VRK3: variants seen among roughly 807,000 people sequenced by gnomAD.
VRK3 encodes serine/threonine-protein kinase VRK3.
Under a neutral mutation model 60.4 loss-of-function variants are expected in VRK3, and 50 were observed. That is an observed-to-expected ratio of 0.83 (90% CI 0.66 to 1.05). The LOEUF is 1.05. Among genes scored for constraint, VRK3 ranks in the 50% least tolerant of loss-of-function variants. The pLI is 0.00. For missense variants in VRK3, 549 were observed against 585.3 expected (o/e 0.94, Z 0.64); for synonymous variants, 246 against 227.8 (o/e 1.08, Z -0.72).
chr19:49,990,456 G>A (rs531658904), intron 10 of VRK3, among the ~76,000 whole-genome samples: 2 of 151,760 alleles, frequency 1.3e-5, no homozygotes, highest in South Asian at 2.1e-4. Context: ...GCGCGATCAC[G>A]GCTCACTGCA....
chr19:49,983,068 G>C (rs915805626), intron 12 of VRK3, among the ~76,000 whole-genome samples: 1 of 151,990 alleles, frequency 6.6e-6, no homozygotes, highest in Non-Finnish European at 1.5e-5. Context: ...CTGGCCTCCT[G>C]TGTATCCCCA....
intron 14 of VRK3, among the ~76,000 whole-genome samples, chr19:49,977,213 G>A (rs553226647): frequency 2.0e-5 from 3 of 152,188 alleles, no homozygotes; most frequent in South Asian, 2.1e-4. Flanking sequence ...TCAGAGGGGC[G>A]GGGGTGTGGC....
chr19:50,001,279 A>G, intron 5 of VRK3: 1 of 170,108 alleles, frequency 5.9e-6, no homozygotes, highest in Non-Finnish European at 1.3e-5. Context: ...CCCCAATAAC[A>G]GCCCCGAGCA....
At chr19:49,994,159 C>T (rs1006604658) in intron 9 of VRK3, among the ~76,000 whole-genome samples, 1 of 152,178 alleles carries the variant, frequency 6.6e-6, no homozygotes, top group Admixed American at 6.6e-5. Context: ...TACGTCCATC[C>T]CTCCAGCGAT....
chr19:49,994,966 G>A (rs748254752), intron 8 of VRK3, 47 bp from the exon 9 acceptor site: 1 of 1,566,114 alleles, frequency 6.4e-7, no homozygotes, highest in South Asian at 1.1e-5. Flanking sequence ...ACAGGGGAGA[G>A]AGGAGTACCG....
At chr19:49,984,823 C>G (rs1157081115) in intron 12 of VRK3, among the ~76,000 whole-genome samples, 1 of 152,084 alleles carries the variant, frequency 6.6e-6, no homozygotes, top group Non-Finnish European at 1.5e-5. Flanking sequence ...TGGGGTCTCA[C>G]CACGTTGCCC....
At position 50,001,150 on chromosome 19, in the gene VRK3, T is replaced by A. The variant is rs914857697; in HGVS notation, c.548-296A>T. On this transcript the variant is annotated intron_variant, in intron 5 of 14. Transcript: ENST00000316763. ...GGGCTCCCAGAATCCCCTAAGTGAG[T>A]GGGGCTCGCTGAGCCTAAACTGCTT... 3 of 328,472 alleles carry A rather than the reference T, an allele frequency of 9.1e-6. No individual in the cohort carries two copies. The East Asian group carries it at 1.9e-4, about 21-fold the overall frequency. 20.3% of individuals were successfully genotyped at this position (328,472 alleles called of 1,614,324 possible). A position where few individuals can be genotyped will look rare whatever the true frequency, so the allele number is the denominator to read the frequency against.
chr19:50,009,426 G>C (rs756403951), intron 3 of VRK3, 41 bp from the exon 4 acceptor site: 1 of 1,607,670 alleles, frequency 6.2e-7, no homozygotes, highest in East Asian at 2.2e-5. Flanking sequence ...AGTTACAAAG[G>C]CCCCTCTGCA....
intron 6 of VRK3, 62 bp from the exon 7 acceptor site, chr19:49,997,632 T>C (rs1483900752): frequency 1.3e-6 from 2 of 1,582,996 alleles, no homozygotes; most frequent in Non-Finnish European, 1.7e-6. Flanking sequence ...GGGCCCCCAG[T>C]CCCCACTGGC....
At chr19:49,991,426 T>G (rs894984189) in intron 10 of VRK3, among the ~76,000 whole-genome samples, 5 of 152,084 alleles carry the variant, frequency 3.3e-5, no homozygotes, top group Non-Finnish European at 5.9e-5. Flanking sequence ...ACTTACATCA[T>G]TGGCTCTCCT....
At chr19:49,998,696 C>G (rs1465393749) in intron 6 of VRK3, 1 of 151,860 alleles carries the variant, frequency 6.6e-6, no homozygotes, top group Non-Finnish European at 1.5e-5. Context: ...TGCACCTGGG[C>G]AAGTGACTGA....
At chr19:50,009,090 G>A (rs950792952) in intron 4 of VRK3, 146 bp downstream of exon 4, 3 of 964,858 alleles carry the variant, frequency 3.1e-6, no homozygotes, top group Non-Finnish European at 4.7e-6. Flanking sequence ...GGGGGAGATG[G>A]GAGGCTGGGG....
chr19:50,003,553 T>C (rs2076844981), intron 5 of VRK3, among the ~76,000 whole-genome samples: 1 of 152,214 alleles, frequency 6.6e-6, no homozygotes, highest in Non-Finnish European at 1.5e-5. Flanking sequence ...GCCCGGGATA[T>C]ATGACATTAT....
chr19:50,007,860 C>A (rs1431761045), intron 4 of VRK3, 34 bp from the exon 5 acceptor site: 2 of 1,608,962 alleles, frequency 1.2e-6, no homozygotes, highest in South Asian at 2.2e-5. Flanking sequence ...GTAAAAGCAC[C>A]ATCCAGGAGA....
chr19:50,001,093 C>A (rs1206623042), intron 5 of VRK3: 1 of 466,452 alleles, frequency 2.1e-6, no homozygotes, highest in Admixed American at 3.9e-5. Flanking sequence ...AGACGGCTCT[C>A]CTGGCAAGGT....
intron 14 of VRK3, among the ~76,000 whole-genome samples, chr19:49,977,859 G>A (rs73932217): frequency 4.9e-4 from 75 of 152,232 alleles, no homozygotes; most frequent in African/African-American, 1.5e-3. Context: ...ACTCCACCAC[G>A]GAGAAAAGAG....
chr19:49,990,626 G>C (rs2076594267), intron 10 of VRK3, among the ~76,000 whole-genome samples: 1 of 151,944 alleles, frequency 6.6e-6, no homozygotes, highest in Non-Finnish European at 1.5e-5. Context: ...TCCTGCCTTG[G>C]CCACTGTGCC....
intron 10 of VRK3, 132 bp downstream of exon 10, chr19:49,992,728 G>A: frequency 1.4e-6 from 1 of 732,584 alleles, no homozygotes. Context: ...TTATTTATTT[G>A]AAGGAGCTCT....
At chr19:49,981,628 T>G in intron 12 of VRK3, 1 of 780,308 alleles carries the variant, frequency 1.3e-6, no homozygotes, top group Non-Finnish European at 1.6e-6. Context: ...TATTGTTGAT[T>G]CATTAGCATT....
Sources: gnomAD v4.1 joint callset for allele counts (sites outside exome capture counted in the v4.1 genomes callset) on GRCh38, gnomAD v4.1.1 for gene constraint, MANE v1.5 for transcripts, NCBI Gene and HGNC (gene_info 2026-07-23, HGNC 2026-07-21) for gene names.